DPP10: variants seen among roughly 807,000 people sequenced by gnomAD.
DPP10 encodes dipeptidyl peptidase like 10, also known as inactive dipeptidyl peptidase 10.
In DPP10, 33 loss-of-function variants were observed where a neutral mutation model predicts 120.9. That is an observed-to-expected ratio of 0.27 (90% CI 0.21 to 0.37). The LOEUF (loss-of-function observed/expected upper bound fraction) is 0.37, where lower values mean the gene tolerates loss of function less well. Ranked by LOEUF, DPP10 falls within the 10% of genes least tolerant of loss-of-function variation. The probability of loss-of-function intolerance (pLI) is 1.00; values close to 1 mark genes in which losing one functional copy is unlikely to be tolerated. For missense variants in DPP10, 816 were observed against 942.8 expected, an observed-to-expected ratio of 0.87 and a Z score of 1.76; for synonymous variants, 337 against 326.1, an observed-to-expected ratio of 1.03 and a Z score of -0.36.
intron 5 of DPP10, among the ~76,000 whole-genome samples, chr2:115,667,117 G>A (rs966703892): frequency 1.4e-4 from 21 of 152,030 alleles, no homozygotes; most frequent in African/African-American, 3.9e-4. Context: ...GATGTTGAGC[G>A]TATTTTCATG....
intron 1 of DPP10, among the ~76,000 whole-genome samples, chr2:114,521,490 A>G (rs1685047593): frequency 6.6e-6 from 1 of 152,196 alleles, no homozygotes; most frequent in South Asian, 2.1e-4. Context: ...ATACAATATT[A>G]TAGATATGGA....
At chr2:115,810,688 C>A (rs897032034) in intron 19 of DPP10, among the ~76,000 whole-genome samples, 1 of 152,172 alleles carries the variant, frequency 6.6e-6, no homozygotes. Flanking sequence ...ATTGCTATGA[C>A]CTTTTCACTG....
At chr2:114,451,035 T>C (rs928970650) in intron 1 of DPP10, among the ~76,000 whole-genome samples, 10 of 152,132 alleles carry the variant, frequency 6.6e-5, no homozygotes, top group African/African-American at 2.4e-4. Context: ...CACTTCATTT[T>C]AATGGAAAGT....
chr2:115,346,964 A>G (rs1234201880), intron 3 of DPP10, among the ~76,000 whole-genome samples: 1 of 152,256 alleles, frequency 6.6e-6, no homozygotes, highest in East Asian at 1.9e-4. Context: ...CTCACTGACA[A>G]TCTCATTTTA....
At chr2:114,859,623 C>T (rs1689652441) in intron 1 of DPP10, among the ~76,000 whole-genome samples, 2 of 152,060 alleles carry the variant, frequency 1.3e-5, no homozygotes, top group South Asian at 4.2e-4. Flanking sequence ...AAAATCAGTG[C>T]CAAACGTTTC....
chr2:115,603,152 G>GTGTGTGTGTGTGTA (rs2083448263), intron 5 of DPP10, among the ~76,000 whole-genome samples: 1 of 150,462 alleles, frequency 6.6e-6, no homozygotes, highest in Admixed American at 6.6e-5. Flanking sequence ...GTGTGTGTGT[G>GTGTGTGTGTGTGTA]TGTGTGTGTG....
intron 1 of DPP10, among the ~76,000 whole-genome samples, chr2:114,803,260 G>A (rs185922177): frequency 1.8e-4 from 27 of 152,300 alleles, no homozygotes; most frequent in African/African-American, 6.0e-4. Flanking sequence ...GGAATTGTAA[G>A]TTCAGTTAAA....
intron 3 of DPP10, among the ~76,000 whole-genome samples, chr2:115,441,817 C>CTTTTTTTT (rs561102084): frequency 1.8e-4 from 22 of 124,462 alleles, no homozygotes; most frequent in Non-Finnish European, 2.5e-4. Context: ...TTCTTTCTTT[C>CTTTTTTTT]TTTTTTTTTT....
chr2:115,555,541 T>G (rs1416603250), intron 5 of DPP10, among the ~76,000 whole-genome samples: 2 of 152,060 alleles, frequency 1.3e-5, no homozygotes, highest in Non-Finnish European at 2.9e-5. Context: ...TAACGAGGGT[T>G]TTTGTCTTCC....
chr2:115,332,216 G>T (rs1266299826), intron 2 of DPP10, among the ~76,000 whole-genome samples: 4 of 152,096 alleles, frequency 2.6e-5, no homozygotes, highest in Non-Finnish European at 5.9e-5. Flanking sequence ...TTGCATAGAG[G>T]TGTTTATAGT....
At chr2:115,593,076 A>T (rs1038563591) in intron 5 of DPP10, among the ~76,000 whole-genome samples, 4 of 152,210 alleles carry the variant, frequency 2.6e-5, no homozygotes, top group African/African-American at 7.2e-5. Flanking sequence ...GTAGAAAGAT[A>T]AATTGGTATA....
At chr2:115,077,802 T>A (rs1573525154) in intron 1 of DPP10, among the ~76,000 whole-genome samples, 1 of 152,234 alleles carries the variant, frequency 6.6e-6, no homozygotes, top group East Asian at 1.9e-4. Flanking sequence ...ACCTCCTTTT[T>A]CTGTAATATT....
intron 1 of DPP10, among the ~76,000 whole-genome samples, chr2:114,667,823 T>A (rs1189707836): frequency 6.6e-6 from 1 of 152,126 alleles, no homozygotes; most frequent in Non-Finnish European, 1.5e-5. Context: ...TTGTAGAAGT[T>A]AGGTAAGTAC....
chr2:115,720,249 T>G (rs1259485507), intron 7 of DPP10, among the ~76,000 whole-genome samples: 3 of 152,140 alleles, frequency 2.0e-5, no homozygotes, highest in South Asian at 2.1e-4. Flanking sequence ...CCAAAATATT[T>G]TGTGTGTGTG....
At chr2:115,241,332 A>G (rs1432485143) in intron 1 of DPP10, among the ~76,000 whole-genome samples, 1 of 152,184 alleles carries the variant, frequency 6.6e-6, no homozygotes, top group African/African-American at 2.4e-5. Context: ...TTAAAACTGC[A>G]TGTTTAAACA....
intron 1 of DPP10, among the ~76,000 whole-genome samples, chr2:115,023,112 C>T (rs576585683): frequency 9.9e-5 from 15 of 152,216 alleles, no homozygotes; most frequent in Non-Finnish European, 1.8e-4. Flanking sequence ...TGACCGGGAA[C>T]TCAAAAGCAA....
At chr2:114,790,616 T>A (rs1173313457) in intron 1 of DPP10, among the ~76,000 whole-genome samples, 1 of 150,786 alleles carries the variant, frequency 6.6e-6, no homozygotes, top group Non-Finnish European at 1.5e-5. Flanking sequence ...AGGATTTGGG[T>A]AGGTAAAGGA....
chr2:114,911,355 T>C (rs540547018), intron 1 of DPP10, among the ~76,000 whole-genome samples: 17 of 152,206 alleles, frequency 1.1e-4, no homozygotes, highest in South Asian at 2.1e-4. Context: ...TATTCTTCCA[T>C]AGAAATTTAT....
At chr2:115,139,074 T>C (rs572931504) in intron 1 of DPP10, among the ~76,000 whole-genome samples, 1 of 152,336 alleles carries the variant, frequency 6.6e-6, no homozygotes, top group South Asian at 2.1e-4. Flanking sequence ...GATTGAAATT[T>C]ATAGTCTTGC....
Sources: gnomAD v4.1 joint callset for allele counts (sites outside exome capture counted in the v4.1 genomes callset) on GRCh38, gnomAD v4.1.1 for gene constraint, MANE v1.5 for transcripts, NCBI Gene and HGNC (gene_info 2026-07-23, HGNC 2026-07-21) for gene names.